CCSER1: variants seen among roughly 807,000 people sequenced by gnomAD.
CCSER1 encodes the protein coiled-coil serine rich protein 1, also known as serine-rich coiled-coil domain-containing protein 1.
A neutral mutation model predicts 82.0 loss-of-function variants in CCSER1; 41 were observed. The observed-to-expected ratio is 0.50, with a 90% CI of 0.39 to 0.65. The LOEUF (loss-of-function observed/expected upper bound fraction) is 0.65, where lower values mean the gene tolerates loss of function less well. Among genes scored for constraint, CCSER1 ranks in the 30% least tolerant of loss-of-function variants. The probability of loss-of-function intolerance (pLI) is 0.00; values close to 1 mark genes in which losing one functional copy is unlikely to be tolerated. For missense variants in CCSER1, 1,119 were observed against 1,064.2 expected (o/e 1.05, Z -0.72); for synonymous variants, 414 against 383.9 (o/e 1.08, Z -0.92).
intron 5 of CCSER1, among the ~76,000 whole-genome samples, chr4:90,608,398 C>G (rs1785014471): frequency 6.6e-6 from 1 of 152,136 alleles, no homozygotes; most frequent in Non-Finnish European, 1.5e-5. Context: ...AAAGGGTCCT[C>G]TGATTGGGGA....
chr4:91,123,403 T>G (rs1176388294), intron 10 of CCSER1, among the ~76,000 whole-genome samples: 2 of 151,650 alleles, frequency 1.3e-5, no homozygotes, highest in Non-Finnish European at 3.0e-5. Flanking sequence ...AGAAAATTAG[T>G]GTAGTAGTTT....
At chr4:90,304,107 C>G (rs1378395168) in intron 1 of CCSER1, among the ~76,000 whole-genome samples, 1 of 152,108 alleles carries the variant, frequency 6.6e-6, no homozygotes, top group East Asian at 1.9e-4. Flanking sequence ...GATACCATCT[C>G]ACACCAGTTA....
intron 9 of CCSER1, among the ~76,000 whole-genome samples, chr4:91,058,516 A>T (rs1332636036): frequency 6.6e-6 from 1 of 152,086 alleles, no homozygotes; most frequent in Non-Finnish European, 1.5e-5. Flanking sequence ...TAATTTAAAA[A>T]ATAGTAATCA....
At chr4:91,293,720 T>A (rs1743933171) in intron 10 of CCSER1, among the ~76,000 whole-genome samples, 1 of 151,976 alleles carries the variant, frequency 6.6e-6, no homozygotes, top group Non-Finnish European at 1.5e-5. Flanking sequence ...ATGGTGATTT[T>A]TTTTTAACTT....
intron 10 of CCSER1, among the ~76,000 whole-genome samples, chr4:91,389,461 A>G (rs555723011): frequency 2.6e-5 from 4 of 152,004 alleles, no homozygotes; most frequent in East Asian, 1.9e-4. Flanking sequence ...AATATCAATC[A>G]TTGTCTCTGA....
At chr4:91,109,343 T>C (rs1203359419) in intron 10 of CCSER1, among the ~76,000 whole-genome samples, 1 of 152,134 alleles carries the variant, frequency 6.6e-6, no homozygotes, top group Non-Finnish European at 1.5e-5. Context: ...CTACCTACCT[T>C]TCTACCTACC....
intron 3 of CCSER1, among the ~76,000 whole-genome samples, chr4:90,376,615 A>T (rs1472495719): frequency 6.6e-6 from 1 of 152,134 alleles, no homozygotes; most frequent in Non-Finnish European, 1.5e-5. Flanking sequence ...TCATTTCTAC[A>T]AGTCAGTCTC....
intron 8 of CCSER1, among the ~76,000 whole-genome samples, chr4:90,900,094 G>GTTTTTTTGT (rs1453620797): frequency 2.4e-4 from 25 of 102,164 alleles, no homozygotes; most frequent in African/African-American, 8.0e-4. Context: ...TGGTCCCAGA[G>GTTTTTTTGT]TTTTTTTTTT....
At chr4:91,511,296 G>C (rs1394893711) in intron 10 of CCSER1, among the ~76,000 whole-genome samples, 1 of 151,870 alleles carries the variant, frequency 6.6e-6, no homozygotes, top group African/African-American at 2.4e-5. Flanking sequence ...GACTTGCCTT[G>C]GCTATTTTGG....
chr4:91,248,489 T>C (rs1739989013), intron 10 of CCSER1, among the ~76,000 whole-genome samples: 2 of 152,332 alleles, frequency 1.3e-5, no homozygotes, highest in East Asian at 1.9e-4. Context: ...TTCACCTCGA[T>C]GGTTTTTCTC....
At chr4:90,594,891 C>T (rs1227704871) in intron 5 of CCSER1, among the ~76,000 whole-genome samples, 1 of 151,974 alleles carries the variant, frequency 6.6e-6, no homozygotes, top group East Asian at 1.9e-4. Flanking sequence ...TGGAAAGCAA[C>T]AAAAACTCTT....
chr4:90,217,449 C>T (rs142890089), intron 1 of CCSER1, among the ~76,000 whole-genome samples: 3,668 of 152,262 alleles, frequency 0.024, 144 homozygotes, highest in African/African-American at 0.076. Flanking sequence ...CCGCCCGCCT[C>T]GGCCTCCCAA....
intron 6 of CCSER1, among the ~76,000 whole-genome samples, chr4:90,715,345 C>G (rs879625869): frequency 1.3e-5 from 2 of 151,980 alleles, no homozygotes; most frequent in Non-Finnish European, 2.9e-5. Context: ...CTGATTTCTT[C>G]TGTGAGATTC....
At chr4:91,123,460 A>G (rs1403758985) in intron 10 of CCSER1, among the ~76,000 whole-genome samples, 1 of 151,744 alleles carries the variant, frequency 6.6e-6, no homozygotes, top group African/African-American at 2.4e-5. Context: ...TCATCTTTGT[A>G]TTTAATTGAT....
intron 10 of CCSER1, among the ~76,000 whole-genome samples, chr4:91,524,936 T>C (rs905406584): frequency 6.6e-6 from 1 of 152,084 alleles, no homozygotes; most frequent in Non-Finnish European, 1.5e-5. Flanking sequence ...CTTGACAGAA[T>C]ACATAAATTA....
intron 9 of CCSER1, among the ~76,000 whole-genome samples, chr4:90,925,577 T>C (rs1728956049): frequency 6.6e-6 from 1 of 152,200 alleles, no homozygotes; most frequent in South Asian, 2.1e-4. Flanking sequence ...TGTGGATAGT[T>C]ATTCTAACAC....
At chr4:90,223,245 A>G (rs1742497825) in intron 1 of CCSER1, among the ~76,000 whole-genome samples, 1 of 152,206 alleles carries the variant, frequency 6.6e-6, no homozygotes, top group Non-Finnish European at 1.5e-5. Context: ...ATGTGTTTTA[A>G]ACAATTGATA....
intron 10 of CCSER1, among the ~76,000 whole-genome samples, chr4:91,547,455 C>A (rs962355034): frequency 3.9e-5 from 6 of 152,050 alleles, no homozygotes; most frequent in African/African-American, 1.4e-4. Flanking sequence ...TGTAGTGCTC[C>A]TTTTGTCCTG....
At chr4:91,194,930 T>A (rs1173310012) in intron 10 of CCSER1, among the ~76,000 whole-genome samples, 2 of 152,176 alleles carry the variant, frequency 1.3e-5, no homozygotes, top group East Asian at 3.8e-4. Context: ...CATGCCCTAT[T>A]TACAAAAAGT....
Sources: allele counts gnomAD v4.1 joint callset (sites outside exome capture counted in the v4.1 genomes callset), GRCh38; gene constraint gnomAD v4.1.1; transcripts MANE v1.5; gene names NCBI Gene and HGNC (gene_info 2026-07-23, HGNC 2026-07-21).